RBFOX1: variants seen among roughly 807,000 people sequenced by gnomAD.
RBFOX1 encodes the protein RNA binding protein fox-1 homolog 1.
RBFOX1 carries 8 observed loss-of-function variants against 57.7 expected under a neutral mutation model. The observed-to-expected ratio is 0.14, with a 90% CI of 0.08 to 0.25. The LOEUF (loss-of-function observed/expected upper bound fraction) is 0.25. Ranked by LOEUF, RBFOX1 falls within the 10% of genes least tolerant of loss-of-function variation. The pLI is 1.00. For synonymous variants in RBFOX1, 326 were observed against 222.4 expected (o/e 1.47, Z -4.15); for missense variants, 611 against 548.5 (o/e 1.11, Z -1.14).
intron 3 of RBFOX1, among the ~76,000 whole-genome samples, chr16:6,826,381 T>G (rs1220599446): frequency 6.6e-6 from 1 of 152,166 alleles, no homozygotes; most frequent in Non-Finnish European, 1.5e-5. Context: ...CTTAGAACAC[T>G]GCCTGGTACA....
At chr16:5,956,823 C>G (rs2059653461) in intron 4 of RBFOX1, among the ~76,000 whole-genome samples, 1 of 149,718 alleles carries the variant, frequency 6.7e-6, no homozygotes, top group Non-Finnish European at 1.5e-5. Context: ...GCATGCACCA[C>G]CATGCCTGGC....
chr16:7,130,700 T>TAA (rs995721385), intron 4 of RBFOX1, among the ~76,000 whole-genome samples: 3 of 152,218 alleles, frequency 2.0e-5, no homozygotes, highest in African/African-American at 7.2e-5. Context: ...CTTAAAAGCA[T>TAA]AAATAATAGG....
At chr16:5,608,099 A>G (rs189924729) in intron 3 of RBFOX1, among the ~76,000 whole-genome samples, 1 of 152,344 alleles carries the variant, frequency 6.6e-6, no homozygotes, top group East Asian at 1.9e-4. Flanking sequence ...AAAGTTGCCC[A>G]AAGTGGTTGT....
intron 1 of RBFOX1, among the ~76,000 whole-genome samples, chr16:5,432,210 C>T (rs1192459252): frequency 6.6e-6 from 1 of 152,084 alleles, no homozygotes; most frequent in Non-Finnish European, 1.5e-5. Flanking sequence ...CTGAAAAACA[C>T]AATTCTGAAA....
chr16:7,003,093 A>G (rs1307402380), intron 3 of RBFOX1, among the ~76,000 whole-genome samples: 1 of 152,136 alleles, frequency 6.6e-6, no homozygotes, highest in Non-Finnish European at 1.5e-5. Context: ...ATGATTTACA[A>G]AGAATAGTCT....
intron 4 of RBFOX1, among the ~76,000 whole-genome samples, chr16:7,484,434 T>G (rs2064847066): frequency 6.6e-6 from 1 of 152,136 alleles, no homozygotes; most frequent in South Asian, 2.1e-4. Context: ...GGCTGTGCCA[T>G]TTTGCTTTTC....
chr16:5,796,063 T>G (rs2054868187), intron 3 of RBFOX1, among the ~76,000 whole-genome samples: 1 of 152,146 alleles, frequency 6.6e-6, no homozygotes, highest in Admixed American at 6.5e-5. Context: ...ATTTTCAGCT[T>G]GTAGATTGGG....
chr16:7,457,497 C>G (rs987111319), intron 4 of RBFOX1, among the ~76,000 whole-genome samples: 3 of 152,190 alleles, frequency 2.0e-5, no homozygotes, highest in Non-Finnish European at 2.9e-5. Flanking sequence ...ATTCTTCTAT[C>G]TTCTTTACTT....
At chr16:5,826,375 CCACATT>C (rs1347840799) in intron 3 of RBFOX1, among the ~76,000 whole-genome samples, 1 of 152,114 alleles carries the variant, frequency 6.6e-6, no homozygotes, top group Non-Finnish European at 1.5e-5. Flanking sequence ...TGTTTTCATT[CCACATT>C]ACAGTGTTTC....
chr16:5,597,226 C>G (rs962811559), intron 2 of RBFOX1, among the ~76,000 whole-genome samples: 6 of 147,174 alleles, frequency 4.1e-5, no homozygotes, highest in African/African-American at 1.0e-4. Flanking sequence ...TTTTATACAC[C>G]TCTCCTTCCC....
chr16:5,564,093 AACCTCC>A lies in RBFOX1; in HGVS notation c.259-34802_259-34797del, dbSNP rs566987772. ...CAGTGGTGCGATCTCAGCTCACTTC[AACCTCC>A]ACCTCCCAGGTTCAAGCGATTCTCC... On this transcript the variant is annotated intron_variant, in intron 2 of 2. Coordinates refer to the RBFOX1 transcript ENST00000585867. 6.1e-3 allele frequency among the ~76,000 whole-genome samples: 929 copies of A among 152,070 alleles called. 11 individuals carry two copies. The highest frequency in any genetic ancestry group is 0.022 in the African/African-American group (898 of 41,474).
intron 1 of RBFOX1, among the ~76,000 whole-genome samples, chr16:6,162,066 T>C (rs1042503747): frequency 1.3e-5 from 2 of 152,240 alleles, no homozygotes; most frequent in Non-Finnish European, 2.9e-5. Flanking sequence ...GCCTTTTCTA[T>C]GAAGGTCAGA....
At chr16:7,567,404 TCCCTATATATATATCCCTATGTATGG>T in intron 5 of RBFOX1, among the ~76,000 whole-genome samples, 2 of 89,114 alleles carry the variant, frequency 2.2e-5, no homozygotes, top group African/African-American at 8.2e-5. Context: ...TATATATATA[TCCCTATATATATATCCCTATGTATGG>T]CCCTATATAT....
At chr16:6,451,123 A>G (rs1168635630) in intron 2 of RBFOX1, among the ~76,000 whole-genome samples, 1 of 151,478 alleles carries the variant, frequency 6.6e-6, no homozygotes, top group Non-Finnish European at 1.5e-5. Flanking sequence ...ATGTCTTTCA[A>G]TTCAACACAG....
At chr16:7,627,030 T>A (rs8044322) in intron 10 of RBFOX1, among the ~76,000 whole-genome samples, 37,609 of 151,704 alleles carry the variant, frequency 0.25, 8,591 homozygotes, top group African/African-American at 0.61. Flanking sequence ...AAGAGCATAG[T>A]GTAGGTAATA....
At chr16:6,484,554 A>G (rs2095433735) in intron 2 of RBFOX1, among the ~76,000 whole-genome samples, 2 of 152,190 alleles carry the variant, frequency 1.3e-5, no homozygotes, top group Non-Finnish European at 2.9e-5. Context: ...GCATTTATAG[A>G]ATATATTATA....
intron 2 of RBFOX1, among the ~76,000 whole-genome samples, chr16:6,553,147 C>T (rs759592050): frequency 6.6e-5 from 10 of 152,166 alleles, no homozygotes; most frequent in Non-Finnish European, 1.3e-4. Flanking sequence ...GAAGTCAGTT[C>T]TGTTAAACAG....
chr16:5,723,699 C>T (rs1444538407), intron 3 of RBFOX1, among the ~76,000 whole-genome samples: 1 of 151,074 alleles, frequency 6.6e-6, no homozygotes. Flanking sequence ...TAAACAGTGG[C>T]AGTCTCAGGC....
intron 2 of RBFOX1, among the ~76,000 whole-genome samples, chr16:5,563,049 A>G (rs1402963686): frequency 6.6e-6 from 1 of 152,120 alleles, no homozygotes; most frequent in East Asian, 1.9e-4. Context: ...TCCCAGGTTC[A>G]AGTGATTGTT....
Sources: allele counts gnomAD v4.1 joint callset (sites outside exome capture counted in the v4.1 genomes callset), GRCh38; gene constraint gnomAD v4.1.1; transcripts MANE v1.5; gene names NCBI Gene and HGNC (gene_info 2026-07-23, HGNC 2026-07-21).